CACNA2D3: variants seen among roughly 807,000 people sequenced by gnomAD.
CACNA2D3 encodes the protein calcium voltage-gated channel auxiliary subunit alpha2delta 3.
Under a neutral mutation model 160.6 loss-of-function variants are expected in CACNA2D3, and 60 were observed. That is an observed-to-expected ratio of 0.37 (90% CI 0.30 to 0.46). CACNA2D3 has a LOEUF of 0.46. Ranked by LOEUF, CACNA2D3 falls within the 20% of genes least tolerant of loss-of-function variation. CACNA2D3 has a pLI of 1.00. For synonymous variants in CACNA2D3, 558 were observed against 492.9 expected (o/e 1.13, Z -1.75); for missense variants, 1,205 against 1,365.0 (o/e 0.88, Z 1.85).
At chr3:54,930,468 T>A (rs1701157753) in intron 27 of CACNA2D3, among the ~76,000 whole-genome samples, 1 of 152,196 alleles carries the variant, frequency 6.6e-6, no homozygotes, top group South Asian at 2.1e-4. Context: ...GTGGAGATAT[T>A]TAGCTGTGTC....
At chr3:55,073,590 A>G in intron 36 of CACNA2D3, 33 bp downstream of exon 36, 1 of 1,546,682 alleles carries the variant, frequency 6.5e-7, no homozygotes, top group Non-Finnish European at 8.9e-7. Flanking sequence ...ACTCACTACC[A>G]CGGAAACCAG....
intron 18 of CACNA2D3, among the ~76,000 whole-genome samples, chr3:54,874,288 A>C (rs1025179906): frequency 3.3e-5 from 5 of 152,190 alleles, no homozygotes; most frequent in Non-Finnish European, 5.9e-5. Context: ...TCAGGGCAGG[A>C]ATACAATAAG....
chr3:54,603,773 A>G (rs1244098696), intron 9 of CACNA2D3, among the ~76,000 whole-genome samples: 8 of 152,252 alleles, frequency 5.3e-5, no homozygotes. Context: ...GATAAGCAAT[A>G]GCAAGAGAAT....
intron 9 of CACNA2D3, among the ~76,000 whole-genome samples, chr3:54,608,283 C>G (rs1698678417): frequency 6.6e-6 from 1 of 152,164 alleles, no homozygotes; most frequent in Non-Finnish European, 1.5e-5. Flanking sequence ...GTGAAGGGCA[C>G]AGGAACTTTC....
intron 3 of CACNA2D3, among the ~76,000 whole-genome samples, chr3:54,369,596 G>T (rs1698887768): frequency 6.6e-6 from 1 of 152,160 alleles, no homozygotes; most frequent in African/African-American, 2.4e-5. Flanking sequence ...GCTGGTCCCA[G>T]CTCTCCTCTC....
intron 11 of CACNA2D3, among the ~76,000 whole-genome samples, chr3:54,740,028 A>G (rs1337360133): frequency 6.6e-6 from 1 of 151,952 alleles, no homozygotes; most frequent in East Asian, 1.9e-4. Flanking sequence ...TTAATACTTG[A>G]TGGATGGAAG....
intron 27 of CACNA2D3, among the ~76,000 whole-genome samples, chr3:54,932,563 T>C: frequency 6.6e-6 from 1 of 152,246 alleles, no homozygotes; most frequent in East Asian, 1.9e-4. Context: ...TATCTTCTAG[T>C]GACTGGCTGA....
At chr3:54,680,649 T>C (rs531867939) in intron 11 of CACNA2D3, among the ~76,000 whole-genome samples, 2 of 152,232 alleles carry the variant, frequency 1.3e-5, no homozygotes, top group Admixed American at 6.5e-5. Context: ...TTGTTGTTGG[T>C]CTTCTCCTTT....
intron 29 of CACNA2D3, among the ~76,000 whole-genome samples, chr3:54,977,982 G>A (rs999219678): frequency 5.9e-5 from 9 of 152,134 alleles, no homozygotes; most frequent in Non-Finnish European, 7.3e-5. Flanking sequence ...TTTTTAGACC[G>A]TATAGGGTAT....
At chr3:55,000,210 G>A (rs1702949851) in intron 31 of CACNA2D3, among the ~76,000 whole-genome samples, 2 of 152,122 alleles carry the variant, frequency 1.3e-5, no homozygotes, top group Admixed American at 6.5e-5. Context: ...GTAATCAGCC[G>A]AACAGGATAC....
At chr3:54,170,343 C>T (rs2107309862) in intron 2 of CACNA2D3, among the ~76,000 whole-genome samples, 1 of 152,226 alleles carries the variant, frequency 6.6e-6, no homozygotes, top group African/African-American at 2.4e-5. Context: ...GCTTCCACAT[C>T]AGACCCAATA....
At chr3:54,941,599 C>T (rs2106985803) in intron 27 of CACNA2D3, among the ~76,000 whole-genome samples, 1 of 152,288 alleles carries the variant, frequency 6.6e-6, no homozygotes, top group South Asian at 2.1e-4. Flanking sequence ...CCTCACAATG[C>T]CCCATATTGT....
chr3:54,780,491 A>C (rs1161455946), intron 13 of CACNA2D3, among the ~76,000 whole-genome samples: 1 of 152,130 alleles, frequency 6.6e-6, no homozygotes, highest in Admixed American at 6.5e-5. Flanking sequence ...GTTTATGGGG[A>C]AGTGTGGAAT....
intron 2 of CACNA2D3, among the ~76,000 whole-genome samples, chr3:54,148,215 T>C (rs11713312): frequency 0.69 from 104,827 of 152,082 alleles, 36,290 homozygotes; most frequent in South Asian, 0.76. Context: ...ATATACTACA[T>C]ACAGTGCTGG....
At chr3:54,183,326 T>A (rs1048435088) in intron 2 of CACNA2D3, among the ~76,000 whole-genome samples, 1 of 150,050 alleles carries the variant, frequency 6.7e-6, no homozygotes, top group African/African-American at 2.5e-5. Context: ...GTGTTTGGAG[T>A]GGTAAGCAGC....
chr3:54,352,008 A>G (rs1004797725), intron 3 of CACNA2D3, among the ~76,000 whole-genome samples: 2 of 152,116 alleles, frequency 1.3e-5, no homozygotes, highest in African/African-American at 4.8e-5. Context: ...CTTCATGGCT[A>G]TTGGTGCTTT....
At chr3:54,386,645 T>G in intron 3 of CACNA2D3, 70 bp from the exon 4 acceptor site, 1 of 1,399,528 alleles carries the variant, frequency 7.1e-7, no homozygotes, top group Non-Finnish European at 9.6e-7. Context: ...TTTTGGTCAA[T>G]GGAGAAATGG....
At chr3:54,454,553 C>T (rs556278185) in intron 4 of CACNA2D3, among the ~76,000 whole-genome samples, 61 of 152,126 alleles carry the variant, frequency 4.0e-4, no homozygotes, top group Non-Finnish European at 7.1e-4. Flanking sequence ...GATTAAATCT[C>T]GGTAATCAGT....
intron 9 of CACNA2D3, among the ~76,000 whole-genome samples, chr3:54,621,539 T>C (rs887713610): frequency 6.6e-6 from 1 of 152,246 alleles, no homozygotes; most frequent in Non-Finnish European, 1.5e-5. Context: ...TCCTCCTTTA[T>C]TGAGGTTTAA....
Sources: gnomAD v4.1 joint callset for allele counts (sites outside exome capture counted in the v4.1 genomes callset) on GRCh38, gnomAD v4.1.1 for gene constraint, MANE v1.5 for transcripts, NCBI Gene and HGNC (gene_info 2026-07-23, HGNC 2026-07-21) for gene names.